The following UHRF2 variants were observed in gnomAD, a reference collection of about 807,000 sequenced individuals.
UHRF2 encodes the protein ubiquitin like with PHD and ring finger domains 2.
Under a neutral mutation model 96.8 loss-of-function variants are expected in UHRF2, and 23 were observed. The ratio of observed to expected loss-of-function variants is 0.24; its 90% CI spans 0.17 to 0.34. UHRF2 has a LOEUF of 0.34. Ranked by LOEUF, UHRF2 falls within the 10% of genes least tolerant of loss-of-function variation. The probability of loss-of-function intolerance (pLI) is 1.00; values close to 1 mark genes in which losing one functional copy is unlikely to be tolerated. For synonymous variants in UHRF2, 385 were observed against 332.6 expected (o/e 1.16, Z -1.72); for missense variants, 685 against 981.5 (o/e 0.70, Z 4.04).
In UHRF2 at chr9:6,454,275, A is replaced by T. The variant is rs534007635; in HGVS notation, c.645-6298A>T. 3.3e-5 allele frequency among the ~76,000 whole-genome samples: 5 copies of T among 152,340 alleles called. No homozygotes were observed. In the East Asian group the frequency reaches 9.6e-4, roughly 29 times the overall value. On this transcript the variant is annotated intron_variant, in intron 3 of 15. Transcript: ENST00000276893. ...CAGACTGAAAATAGAACATCTTTTGAGTGAAGACACCAGGATTGATACAAG... is the reference window on the plus strand; with the variant it reads ...CAGACTGAAAATAGAACATCTTTTGTGTGAAGACACCAGGATTGATACAAG...
intron 4 of UHRF2, among the ~76,000 whole-genome samples, chr9:6,461,302 C>A (rs1187416701): frequency 6.6e-6 from 1 of 151,762 alleles, no homozygotes; most frequent in Non-Finnish European, 1.5e-5. Flanking sequence ...TCTATCATTT[C>A]TTTCTTTTCT....
chr9:6,494,609 T>G (rs1284156921), intron 10 of UHRF2: 1 of 152,214 alleles, frequency 6.6e-6, no homozygotes, highest in Non-Finnish European at 1.5e-5. Context: ...AATACCAATA[T>G]TAATAAGTAA....
At chr9:6,497,983 A>T (rs369822991) in intron 11 of UHRF2, 35 bp from the exon 12 acceptor site, 60 of 1,606,208 alleles carry the variant, frequency 3.7e-5, no homozygotes, top group African/African-American at 9.4e-5. Flanking sequence ...TCTAAATTTT[A>T]AATCTCAAAC....
intron 4 of UHRF2, among the ~76,000 whole-genome samples, chr9:6,461,387 C>G (rs1336320693): frequency 9.1e-6 from 1 of 110,484 alleles, no homozygotes; most frequent in African/African-American, 3.7e-5. Context: ...CTCCTTCTCT[C>G]CTCCCCCCCG....
intron 9 of UHRF2, among the ~76,000 whole-genome samples, chr9:6,493,389 C>T (rs1824784330): frequency 6.6e-6 from 1 of 152,108 alleles, no homozygotes; most frequent in Non-Finnish European, 1.5e-5. Context: ...TGAGGCAGCA[C>T]ACTTAGGTAT....
intron 8 of UHRF2, among the ~76,000 whole-genome samples, chr9:6,484,408 C>CTCCCTCCTCCCTCCTCCCTCCTGTCTCT (rs1021223774): frequency 6.9e-6 from 1 of 145,266 alleles, no homozygotes; most frequent in South Asian, 2.2e-4. Context: ...CCTCCTCCTC[C>CTCCCTCCTCCCTCCTCCCTCCTGTCTCT]TCCCTCCTCC....
chr9:6,416,395 G>T (rs1433607411), intron 1 of UHRF2, among the ~76,000 whole-genome samples: 1 of 151,848 alleles, frequency 6.6e-6, no homozygotes, highest in Admixed American at 6.6e-5. Flanking sequence ...GGTCAAAATG[G>T]AGACCTGCAA....
chr9:6,454,048 G>A (rs1031805936), intron 3 of UHRF2, among the ~76,000 whole-genome samples: 2 of 152,074 alleles, frequency 1.3e-5, no homozygotes, highest in African/African-American at 4.8e-5. Flanking sequence ...ATTATGTACT[G>A]TTCTAAGTGA....
At chr9:6,447,582 G>C (rs1253195337) in intron 3 of UHRF2, among the ~76,000 whole-genome samples, 4 of 152,106 alleles carry the variant, frequency 2.6e-5, no homozygotes, top group African/African-American at 4.8e-5. Context: ...TGAGTAAGAA[G>C]AAATGAAACT....
chr9:6,463,626 A>G (rs981142544), intron 4 of UHRF2, among the ~76,000 whole-genome samples: 5 of 152,014 alleles, frequency 3.3e-5, no homozygotes, highest in African/African-American at 1.2e-4. Context: ...GCATGCCACC[A>G]TGCCCATCTC....
chr9:6,460,807 CT>C lies in UHRF2; in HGVS notation c.863+17del. On this transcript the variant is annotated intron_variant, in intron 4 of 15. Transcript: ENST00000276893. ...TTTTCCTGGGGTAAGATTGTCTTCA[CT>C]GGTGCCATTTAATTAACTGAATTGA... 6.3e-7 allele frequency: 1 copy of C among 1,598,172 alleles called. No homozygotes were observed. Among genetic ancestry groups the C allele is most frequent in the Non-Finnish European group, 8.5e-7 (1 of 1,170,658 alleles).
At chr9:6,438,073 T>G (rs1563755504) in intron 3 of UHRF2, among the ~76,000 whole-genome samples, 1 of 152,144 alleles carries the variant, frequency 6.6e-6, no homozygotes, top group Admixed American at 6.5e-5. Context: ...AATGTAAAAC[T>G]ACAGTGAAGA....
At position 6,443,880 on chromosome 9, in the gene UHRF2, C is replaced by A. The variant is rs149755887; in HGVS notation, c.644+9707C>A. Among the ~76,000 whole-genome samples, 1,031 of 152,284 alleles carry A rather than the reference C, an allele frequency of 6.8e-3. 8 individuals carry two copies. Among genetic ancestry groups the A allele is most frequent in the Non-Finnish European group, 0.011 (755 of 67,998 alleles). ...ATATGTTGTCTTTGCTCCCAGCATT[C>A]TTTAAGATTTCTGGAGCTATTCTCA... On this transcript the variant is annotated intron_variant, in intron 3 of 15. Transcript: ENST00000276893.
intron 13 of UHRF2, 81 bp from the exon 14 acceptor site, chr9:6,500,471 T>C (rs2130969689): frequency 8.2e-7 from 1 of 1,212,172 alleles, no homozygotes; most frequent in East Asian, 2.5e-5. Flanking sequence ...AAACATTACT[T>C]GTGCCAGTTA....
At chr9:6,453,091 T>C (rs778793337) in intron 3 of UHRF2, among the ~76,000 whole-genome samples, 1 of 152,220 alleles carries the variant, frequency 6.6e-6, no homozygotes, top group Non-Finnish European at 1.5e-5. Context: ...TAACTATGTA[T>C]GTGTATGAGT....
chr9:6,458,989 T>C (rs1822355716), intron 3 of UHRF2, among the ~76,000 whole-genome samples: 1 of 152,074 alleles, frequency 6.6e-6, no homozygotes. Context: ...ACACCACATG[T>C]TCTCACTCAT....
chr9:6,414,777 AG>A (rs1345707237), intron 1 of UHRF2, among the ~76,000 whole-genome samples: 1 of 152,218 alleles, frequency 6.6e-6, no homozygotes, highest in Non-Finnish European at 1.5e-5. Context: ...GAAATTTCAT[AG>A]TAACAAATTA....
chr9:6,487,000 A>T, intron 9 of UHRF2, 75 bp downstream of exon 9: 2 of 1,337,744 alleles, frequency 1.5e-6, no homozygotes, highest in Non-Finnish European at 2.1e-6. Context: ...TGCCTAGGAT[A>T]CATCAAATAC....
In UHRF2 at chr9:6,466,763, T is replaced by C. The variant is rs542544219; in HGVS notation, c.863+5972T>C. ...TGTGCTTCGGCCATGCTGGCCTCCT[T>C]GTGTTGCTTGATCACGCAAACATGC... is the stretch of plus-strand genomic sequence containing the variant. On this transcript the variant is annotated intron_variant, in intron 4 of 15. Coordinates refer to ENST00000276893, the MANE Select transcript of UHRF2 (RefSeq NM_152896.3). Among the ~76,000 whole-genome samples the C allele has an allele frequency of 3.3e-5, 5 of 152,356 alleles. No individual in the cohort carries two copies. The East Asian group carries it at 9.6e-4, about 29-fold the overall frequency.
Sources: allele counts gnomAD v4.1 joint callset (sites outside exome capture counted in the v4.1 genomes callset), GRCh38; gene constraint gnomAD v4.1.1; transcripts MANE v1.5; gene names NCBI Gene and HGNC (gene_info 2026-07-23, HGNC 2026-07-21).